The following NOP9 variants were observed in gnomAD, a reference collection of about 807,000 sequenced individuals.
NOP9 encodes NOP9 nucleolar protein.
Under a neutral mutation model 63.0 loss-of-function variants are expected in NOP9, and 50 were observed. The ratio of observed to expected loss-of-function variants is 0.79; its 90% confidence interval spans 0.63 to 1.00. NOP9 has a LOEUF of 1.00. Ranked by LOEUF, NOP9 falls within the 50% of genes least tolerant of loss-of-function variation. The probability of loss-of-function intolerance (pLI) is 0.00; values close to 1 mark genes in which losing one functional copy is unlikely to be tolerated. For missense variants in NOP9, 758 were observed against 803.0 expected, an observed-to-expected ratio of 0.94 and a Z score of 0.68; for synonymous variants, 343 against 332.8, an observed-to-expected ratio of 1.03 and a Z score of -0.33.
At chr14:24,303,698 T>A (rs748875365) in intron 6 of NOP9, 34 bp from the exon 7 acceptor site, 2 of 1,602,138 alleles carry the variant, frequency 1.2e-6, no homozygotes, top group Admixed American at 3.3e-5. Context: ...ACGGAGAAGT[T>A]CTCAGGTTCA....
the NOP9 span, chr14:24,291,409 G>T: frequency 9.3e-7 from 1 of 1,076,230 alleles, no homozygotes; most frequent in Non-Finnish European, 1.4e-6. Context: ...ACCTCAAACT[G>T]GGAATGCTGA....
chr14:24,291,145 C>T, the NOP9 span: 1 of 1,614,168 alleles, frequency 6.2e-7, no homozygotes, highest in African/African-American at 1.3e-5. Flanking sequence ...TCACCGTCCA[C>T]ATCCCGAAGG....
At position 24,304,201 on chromosome 14, in the gene NOP9, C is replaced by G. The variant is rs750082274; in HGVS notation, c.1571C>G (p.Ser524Cys). The G allele has an allele frequency of 3.6e-5, 58 of 1,614,120 alleles. No homozygotes were observed. The highest frequency in any genetic ancestry group is 4.8e-5 in the Non-Finnish European group (57 of 1,180,058). ...TCCCTTGCCCAAAGTCCCGCTGGCT[C>G]TCATGTGCTCGATGCCATCCTGACC... ...LLSLAQSPAG[S>C]HVLDAILTSP... The change falls in exon 8 of 10, where the codon TCT (serine) becomes TGT (cysteine). Residue 524 changes from serine to cysteine, a missense_variant. By Grantham distance (112) the Ser-to-Cys change is moderately radical. Coordinates refer to ENST00000267425, the MANE Select transcript of NOP9 (RefSeq NM_174913.3).
upstream of NOP9, chr14:24,299,446 A>G: frequency 4.1e-6 from 1 of 242,290 alleles, no homozygotes; most frequent in South Asian, 1.0e-4. Context: ...GTCCACGCAG[A>G]GTCCTGGGCT....
At chr14:24,284,531 G>T in the NOP9 span, among the ~76,000 whole-genome samples, 1 of 152,058 alleles carries the variant, frequency 6.6e-6, no homozygotes, top group Admixed American at 6.5e-5. Flanking sequence ...TAGGGCCCAG[G>T]GGAGTGCGCT....
chr14:24,299,421 A>G, upstream of NOP9: 1 of 279,142 alleles, frequency 3.6e-6, no homozygotes. Context: ...CTGGCGCGGC[A>G]GCCCCTCGGG....
intron 5 of NOP9, 133 bp from the exon 6 acceptor site, chr14:24,302,940 CA>C: frequency 9.0e-7 from 1 of 1,116,374 alleles, no homozygotes; most frequent in South Asian, 1.8e-5. Flanking sequence ...TCTAGCCAAA[CA>C]AAAGTCCTGA....
chr14:24,291,808 G>A, the NOP9 span: 2 of 652,742 alleles, frequency 3.1e-6, no homozygotes, highest in Non-Finnish European at 5.4e-6. Flanking sequence ...CCACATCCAG[G>A]TGAGCCCTGT....
At chr14:24,283,659 CAG>C in the NOP9 span, among the ~76,000 whole-genome samples, 7 of 152,302 alleles carry the variant, frequency 4.6e-5, no homozygotes, top group South Asian at 1.2e-3. Flanking sequence ...CAGCCAGAGA[CAG>C]AGAGACAGCT....
At chr14:24,303,558 T>A (rs188650641) in intron 6 of NOP9, among the ~76,000 whole-genome samples, 174 bp from the exon 7 acceptor site, 1 of 152,312 alleles carries the variant, frequency 6.6e-6, no homozygotes, top group East Asian at 1.9e-4. Context: ...TAAACATTTA[T>A]TAACCCCTGT....
Position 24,305,891 on chromosome 14 carries a change from T to C in NOP9, c.*796T>C. ...GGGTAGGTGGGTGCAAGAGGACGAA[T>C]TATGGGGACTATCCAACTGTAGGGG... On this transcript the variant is annotated 3_prime_UTR_variant, in exon 10 of 10. Transcript: ENST00000267425. 2 of 1,587,336 alleles carry C rather than the reference T, an allele frequency of 1.3e-6. No individual in the cohort carries two copies. The highest frequency in any genetic ancestry group is 1.7e-6 in the Non-Finnish European group (2 of 1,163,486).
upstream of NOP9, chr14:24,299,131 C>G (rs2041319814): frequency 1.9e-6 from 3 of 1,602,996 alleles, no homozygotes; most frequent in East Asian, 4.5e-5. Flanking sequence ...GGAGGCAGGT[C>G]TGTGGAAGCA....
At position 24,306,722 on chromosome 14, in the gene NOP9, C is replaced by T; in HGVS notation, c.*1627C>T. 1.6e-6 allele frequency: 1 copy of T among 610,754 alleles called. No individual in the cohort carries two copies. The highest frequency in any genetic ancestry group is 2.8e-6 in the Non-Finnish European group (1 of 351,184). The allele number at this position is 610,754 out of a possible 1,614,324, so 37.8% of individuals were successfully genotyped here. A position where few individuals can be genotyped will look rare whatever the true frequency, so the allele number is the denominator to read the frequency against. ...ATCCTAGCTAGAGGCTGACCTTTTT[C>T]CTCTTTGCTCCTACCATGTCATTGG... On this transcript the variant is annotated 3_prime_UTR_variant, in exon 10 of 10. Coordinates refer to ENST00000267425, the MANE Select transcript of NOP9 (RefSeq NM_174913.3).
the NOP9 span, among the ~76,000 whole-genome samples, chr14:24,277,984 C>T: frequency 3.9e-5 from 6 of 152,290 alleles, no homozygotes; most frequent in African/African-American, 7.2e-5. Flanking sequence ...GTGCCTGCCA[C>T]GTGTCAGTGA....
intron 4 of NOP9, 30 bp downstream of exon 4, chr14:24,302,136 G>A: frequency 6.2e-7 from 1 of 1,607,020 alleles, no homozygotes; most frequent in Non-Finnish European, 8.5e-7. Flanking sequence ...ATCGACCCAA[G>A]TTGGCGGGGC....
At chr14:24,303,934 G>A in intron 7 of NOP9, 77 bp downstream of exon 7, 1 of 1,595,814 alleles carries the variant, frequency 6.3e-7, no homozygotes. Context: ...TCTGACTTCT[G>A]AGGTGAGAGT....
the NOP9 span, among the ~76,000 whole-genome samples, chr14:24,281,809 A>G: frequency 6.6e-6 from 1 of 152,168 alleles, no homozygotes; most frequent in African/African-American, 2.4e-5. Context: ...AGTAAGGCTC[A>G]ATGTGGCCAA....
the NOP9 span, chr14:24,291,458 T>C: frequency 7.5e-7 from 1 of 1,334,122 alleles, no homozygotes; most frequent in Non-Finnish European, 1.1e-6. Flanking sequence ...GAATGACATG[T>C]TCCTCAACCA....
chr14:24,304,078 C>T lies in NOP9; in HGVS notation c.1448C>T (p.Thr483Ile), dbSNP rs1371325835. 4.3e-6 allele frequency: 7 copies of T among 1,614,108 alleles called. No homozygotes were observed. The highest frequency in any genetic ancestry group is 5.1e-6 in the Non-Finnish European group (6 of 1,180,028). Reference protein sequence around the residue: ...MAAARALGDVTVLGSLLLQHL... With the variant: ...MAAARALGDVIVLGSLLLQHL... ...GCAGCCAGAGCCTTGGGGGATGTGA[C>T]AGTCCTTGGGTCTCTACTGCTCCAG... Residue 483 changes from threonine (T) to isoleucine (I), a missense_variant, in exon 8 of 10, where the codon ACA becomes ATA. By Grantham distance (89) the Thr-to-Ile change is moderately conservative. Coordinates refer to ENST00000267425, the MANE Select transcript of NOP9 (RefSeq NM_174913.3).
Sources: allele counts gnomAD v4.1 joint callset (sites outside exome capture counted in the v4.1 genomes callset), GRCh38; gene constraint gnomAD v4.1.1; transcripts MANE v1.5; gene names NCBI Gene and HGNC (gene_info 2026-07-23, HGNC 2026-07-21).